REV1: variants seen among roughly 807,000 people sequenced by gnomAD.
REV1 encodes translesion synthesis protein REV1.
A neutral mutation model predicts 137.4 loss-of-function variants in REV1; 42 were observed. That is an observed-to-expected ratio of 0.31 (90% confidence interval 0.24 to 0.40). The LOEUF (loss-of-function observed/expected upper bound fraction) is 0.40, where lower values mean the gene tolerates loss of function less well. Among genes scored for constraint, REV1 ranks in the 10% least tolerant of loss-of-function variants. The pLI, the probability that REV1 is intolerant of heterozygous loss-of-function variation, is 1.00. For missense variants in REV1, 1,282 were observed against 1,490.1 expected (o/e 0.86, Z 2.30); for synonymous variants, 524 against 519.2 (o/e 1.01, Z -0.12).
intron 4 of REV1, 35 bp from the exon 5 acceptor site, chr2:99,442,504 T>C (rs1204110839): frequency 3.1e-6 from 5 of 1,599,990 alleles, no homozygotes; most frequent in African/African-American, 1.3e-5. Flanking sequence ...TAGAGTTCCA[T>C]ACTTGGTGAC....
At chr2:99,428,586 TAAATA>T (rs1006927286) in intron 9 of REV1, among the ~76,000 whole-genome samples, 3 of 152,146 alleles carry the variant, frequency 2.0e-5, no homozygotes, top group Admixed American at 1.3e-4. Flanking sequence ...AAATATACTT[TAAATA>T]AAATAATTAG....
At chr2:99,481,704 C>T (rs2104263521) in intron 1 of REV1, among the ~76,000 whole-genome samples, 1 of 151,820 alleles carries the variant, frequency 6.6e-6, no homozygotes, top group South Asian at 2.1e-4. Flanking sequence ...CACACACACA[C>T]ACACAAAAAT....
chr2:99,449,245 A>G, intron 4 of REV1, 91 bp downstream of exon 4: 1 of 746,740 alleles, frequency 1.3e-6, no homozygotes, highest in Non-Finnish European at 1.8e-6. Context: ...AGCCTGGGCG[A>G]CAAAGCGAGA....
intron 17 of REV1, 138 bp from the exon 18 acceptor site, chr2:99,404,815 AG>A: frequency 1.5e-6 from 1 of 683,624 alleles, no homozygotes; most frequent in South Asian, 1.7e-5. Flanking sequence ...AAGCTAGGAA[AG>A]CCACCTCCAA....
At chr2:99,411,260 C>A (rs1219567626) in intron 13 of REV1, among the ~76,000 whole-genome samples, 1 of 152,038 alleles carries the variant, frequency 6.6e-6, no homozygotes, top group East Asian at 1.9e-4. Flanking sequence ...TGCATTCCAG[C>A]CTGGGCGACA....
intron 10 of REV1, among the ~76,000 whole-genome samples, chr2:99,423,710 A>G (rs28382920): frequency 0.013 from 1,983 of 152,354 alleles, 43 homozygotes; most frequent in African/African-American, 0.045. Flanking sequence ...AACTTTTGGC[A>G]TATCCAATGA....
chr2:99,449,459 C>A lies in REV1; in HGVS notation c.227G>T (p.Gly76Val). 6.5e-7 allele frequency: 1 copy of A among 1,532,444 alleles called. No homozygotes were observed. The highest frequency in any genetic ancestry group is 1.4e-5 in the South Asian group (1 of 73,614). 94.9% of individuals were successfully genotyped at this position (1,532,444 alleles called of 1,614,324 possible). A position where few individuals can be genotyped will look rare whatever the true frequency, so the allele number is the denominator to read the frequency against. Residue 76 changes from glycine (G) to valine (V), a missense_variant, in exon 4 of 23, where the codon GGT becomes GTT. Physicochemically the swap from Gly to Val is moderately radical, Grantham distance 109. Coordinates refer to ENST00000258428, the MANE Select transcript of REV1 (RefSeq NM_016316.4). The part of the protein sequence containing the change: ...ELRKLMMLHG[G>V]QYHVYYSRSK... ...TCTGGAATAATATACATGGTATTGACCTCCATGCAACATCATTAGTTTTCT... is the reference window on the plus strand; with the variant it reads ...TCTGGAATAATATACATGGTATTGAACTCCATGCAACATCATTAGTTTTCT...
intron 1 of REV1, among the ~76,000 whole-genome samples, chr2:99,471,889 T>TAAAAAAAAAAAAAAA (rs947603744): frequency 1.1e-5 from 1 of 93,428 alleles, no homozygotes; most frequent in Non-Finnish European, 2.2e-5. Context: ...TAGCTACTAT[T>TAAAAAAAAAAAAAAA]AAAAAAAAAA....
rs556490473 is a variant in REV1, at chr2:99,418,969, C to T, written c.1832-22G>A. 3.8e-6 allele frequency: 6 copies of T among 1,565,090 alleles called. No individual in the cohort carries two copies. The African/African-American group carries it at 8.2e-5, about 21-fold the overall frequency. On this transcript the variant is annotated intron_variant, in intron 11 of 22. Transcript: ENST00000258428. ...GAACCTATTAAAAAAAAAAGTCATC[C>T]AAGAAATAGTCACAATTATTTTTTA...
chr2:99,414,187 C>A (rs1335080861), intron 12 of REV1, among the ~76,000 whole-genome samples: 1 of 152,172 alleles, frequency 6.6e-6, no homozygotes, highest in Non-Finnish European at 1.5e-5. Context: ...AGTCTGCTAA[C>A]TTCTGTTCAT....
chr2:99,447,802 C>T (rs1839667), intron 4 of REV1, among the ~76,000 whole-genome samples: 65,006 of 151,192 alleles, frequency 0.43, 14,158 homozygotes, highest in Admixed American at 0.58. Flanking sequence ...TCACTGGAGC[C>T]TCCCATCTCC....
At chr2:99,405,670 T>C in intron 17 of REV1, 1 of 341,822 alleles carries the variant, frequency 2.9e-6, no homozygotes, top group East Asian at 4.7e-5. Flanking sequence ...GAGGACTGCC[T>C]TTCAGCTATG....
intron 12 of REV1, among the ~76,000 whole-genome samples, chr2:99,416,805 C>T (rs759543395): frequency 2.0e-5 from 3 of 146,930 alleles, no homozygotes; most frequent in Non-Finnish European, 3.0e-5. Flanking sequence ...CCCAGCTACT[C>T]GGGAGGCTGA....
rs1559271352 is a variant in REV1 at position 99,402,353 on chromosome 2, A to C, written c.3542-7T>G. ...ATGTCTTCTTCCATTGGATCTAGGA[A>C]GGGGGAAAAACTTCAAATGAGGACC... is the stretch of plus-strand genomic sequence containing the variant. On this transcript the variant is annotated splice_polypyrimidine_tract_variant and splice_region_variant and intron_variant, in intron 21 of 22. Coordinates refer to ENST00000258428, the MANE Select transcript of REV1 (RefSeq NM_016316.4). The C allele has an allele frequency of 7.1e-7, 1 of 1,399,472 alleles. No homozygotes were observed. 86.7% of individuals were successfully genotyped at this position (1,399,472 alleles called of 1,614,324 possible).
rs770804025 is a variant in REV1, at chr2:99,405,933, T to C, written c.2788A>G (p.Ile930Val). 6.3e-7 allele frequency: 1 copy of C among 1,595,706 alleles called. No individual in the cohort carries two copies. The highest frequency in any genetic ancestry group is 1.7e-5 in the Admixed American group (1 of 57,446). The change falls in exon 17 of 23, where the codon ATA becomes GTA. Residue 930 changes from isoleucine (I) to valine (V), a missense_variant. This residue lies in a region of REV1 where 135 missense variants were observed against 123.3 expected (regional missense o/e 1.10). Transcript: ENST00000258428. ...ACCTGGGAAGGTGACGGGACCTCTA[T>C]ACTCAGGTTAAGTCTCGACTGCACA... ...VSVQSRLNLS[I>V]EVPSPSQLDQ...
Position 99,468,348 on chromosome 2 carries a change from C to G in REV1, c.-10-3363G>C, listed in dbSNP as rs183440359. Among the ~76,000 whole-genome samples the G allele has an allele frequency of 3.9e-4, 59 of 152,300 alleles. 1 individual carries two copies. In the East Asian group the frequency reaches 7.1e-3, roughly 18 times the overall value. ...TTTGCTTCTTTAAATAGGACTTTCCCTAGAACGGAGGAGGGCATTTAATCA... is the reference window on the plus strand; with the variant it reads ...TTTGCTTCTTTAAATAGGACTTTCCGTAGAACGGAGGAGGGCATTTAATCA... On this transcript the variant is annotated intron_variant, in intron 1 of 22. Coordinates refer to ENST00000258428, the MANE Select transcript of REV1 (RefSeq NM_016316.4).
intron 12 of REV1, 104 bp from the exon 13 acceptor site, chr2:99,413,055 ATCTTTAAAG>A (rs565183404): frequency 3.5e-4 from 295 of 834,498 alleles, no homozygotes; most frequent in Middle Eastern, 7.0e-4. Context: ...GTTTAAAATA[ATCTTTAAAG>A]TCTTTAGGCA....
At chr2:99,418,416 A>G (rs764018095) in intron 12 of REV1, among the ~76,000 whole-genome samples, 2 of 152,206 alleles carry the variant, frequency 1.3e-5, no homozygotes, top group Non-Finnish European at 2.9e-5. Context: ...CTTGTTTAAT[A>G]AACTCAGAAA....
intron 8 of REV1, 24 bp from the exon 9 acceptor site, chr2:99,429,972 T>C (rs760309392): frequency 3.6e-6 from 5 of 1,398,106 alleles, no homozygotes; most frequent in Non-Finnish European, 3.9e-6. Context: ...AAAAAATTAA[T>C]GGTTATATGT....
Sources: allele counts gnomAD v4.1 joint callset (sites outside exome capture counted in the v4.1 genomes callset), GRCh38; gene constraint gnomAD v4.1.1; regional missense constraint gnomAD v4.1.1; transcripts MANE v1.5; gene names NCBI Gene and HGNC (gene_info 2026-07-23, HGNC 2026-07-21).